Variants in IRF2 observed in about 807,000 individuals in gnomAD.
IRF2 encodes the protein interferon regulatory factor 2.
In IRF2, 15 loss-of-function variants were observed where a neutral mutation model predicts 40.6. The observed-to-expected ratio is 0.37, with a 90% CI of 0.25 to 0.57. The LOEUF (loss-of-function observed/expected upper bound fraction) is 0.57. Ranked by LOEUF, IRF2 falls within the 20% of genes least tolerant of loss-of-function variation. IRF2 has a pLI of 0.77. For missense variants in IRF2, 317 were observed against 455.7 expected (o/e 0.70, Z 2.77); for synonymous variants, 151 against 165.5 (o/e 0.91, Z 0.67).
At chr4:184,437,192 A>C (rs918558515) in intron 1 of IRF2, among the ~76,000 whole-genome samples, 1 of 152,158 alleles carries the variant, frequency 6.6e-6, no homozygotes, top group Non-Finnish European at 1.5e-5. Flanking sequence ...AGTAGCTGAG[A>C]TTACAGGCAT....
chr4:184,453,752 G>A (rs1049853501), intron 1 of IRF2, among the ~76,000 whole-genome samples: 4 of 152,218 alleles, frequency 2.6e-5, no homozygotes, highest in Non-Finnish European at 5.9e-5. Context: ...GAGGAGGAGC[G>A]TGGCAGAAAC....
At position 184,436,684 on chromosome 4, in the gene IRF2, G is replaced by A. The variant is rs113025116; in HGVS notation, c.-6-7614C>T. 1.4e-3 allele frequency among the ~76,000 whole-genome samples: 217 copies of A among 152,274 alleles called. 6 individuals are homozygous for A. The highest frequency in any genetic ancestry group is 6.8e-3 in the Middle Eastern group (2 of 292). Reference sequence around the variant, plus strand: ...GGGAGAAGGTGGCAGGCAAGCCAGGGGAGGTAAAAGGTTGGTATCGGCGGC... The same window carrying A: ...GGGAGAAGGTGGCAGGCAAGCCAGGAGAGGTAAAAGGTTGGTATCGGCGGC... On this transcript the variant is annotated intron_variant, in intron 1 of 8. Coordinates refer to ENST00000393593, the MANE Select transcript of IRF2 (RefSeq NM_002199.4).
chr4:184,396,314 G>A (rs925682670), intron 7 of IRF2, among the ~76,000 whole-genome samples: 4 of 152,148 alleles, frequency 2.6e-5, no homozygotes, highest in Non-Finnish European at 5.9e-5. Context: ...CAGGGCGGGC[G>A]TTAAGGACCG....
intron 1 of IRF2, among the ~76,000 whole-genome samples, chr4:184,443,344 T>G (rs1293604140): frequency 1.3e-5 from 2 of 152,160 alleles, no homozygotes; most frequent in African/African-American, 4.8e-5. Context: ...CAATAGGTAG[T>G]TTTTCAACCC....
chr4:184,408,136 A>G lies in IRF2; in HGVS notation c.529+22T>C. 1 of 1,445,654 alleles carries G rather than the reference A, an allele frequency of 6.9e-7. No individual in the cohort carries two copies. The highest frequency in any genetic ancestry group is 9.7e-7 in the Non-Finnish European group (1 of 1,029,674). 89.6% of individuals were successfully genotyped at this position (1,445,654 alleles called of 1,614,324 possible). ...AGGGGGCTGCTGGTATGTATAAAAA[A>G]TGAGACGTCAAAACAGTTTACCTAT... On this transcript the variant is annotated intron_variant, in intron 6 of 8. Coordinates refer to ENST00000393593, the MANE Select transcript of IRF2 (RefSeq NM_002199.4). The surrounding 1 kb of genome is among the most constrained non-coding windows in gnomAD (Gnocchi z 4.9).
intron 1 of IRF2, among the ~76,000 whole-genome samples, chr4:184,433,100 C>A (rs965172531): frequency 2.0e-5 from 3 of 152,018 alleles, no homozygotes; most frequent in Non-Finnish European, 4.4e-5. Context: ...GTCATGACCA[C>A]GATCTAAGAC....
At chr4:184,458,007 C>A (rs932971799) in intron 1 of IRF2, among the ~76,000 whole-genome samples, 1 of 152,174 alleles carries the variant, frequency 6.6e-6, no homozygotes, top group African/African-American at 2.4e-5. Context: ...GGAGAGTGGT[C>A]CATGCACCAG....
rs1026850000 is a variant in IRF2 at position 184,413,758 on chromosome 4, T to A, written c.411+4409A>T. Among the ~76,000 whole-genome samples the A allele has an allele frequency of 1.3e-5, 2 of 152,246 alleles. No homozygotes were observed. The highest frequency in any genetic ancestry group is 2.9e-5 in the Non-Finnish European group (2 of 68,046). ...CGGAAGCACTTTACAGTTTCAAGCA[T>A]GTATGTTTCAGCTGCAAACAACCCT... On this transcript the variant is annotated intron_variant, in intron 5 of 8. Transcript: ENST00000393593. This position sits in a 1 kb window ranked among gnomAD's most constrained non-coding sequence, Gnocchi z 4.2.
intron 1 of IRF2, among the ~76,000 whole-genome samples, chr4:184,459,282 G>GA (rs920707087): frequency 3.3e-5 from 5 of 151,574 alleles, no homozygotes; most frequent in African/African-American, 4.8e-5. Context: ...AAATACAACA[G>GA]AAAAAAAATA....
At chr4:184,453,613 G>A (rs770141507) in intron 1 of IRF2, among the ~76,000 whole-genome samples, 5 of 152,200 alleles carry the variant, frequency 3.3e-5, no homozygotes, top group African/African-American at 7.2e-5. Flanking sequence ...TATGCAAGCC[G>A]GAAAAGACCT....
rs551508904 is a variant in IRF2 at position 184,462,919 on chromosome 4, T to A, written c.-7+11460A>T. Reference sequence around the variant, plus strand: ...CTTTACAGCTGAAAATCAAATAAACTAATATTTATCTAGGTCTTAAAGGTG... The same window carrying A: ...CTTTACAGCTGAAAATCAAATAAACAAATATTTATCTAGGTCTTAAAGGTG... On this transcript the variant is annotated intron_variant, in intron 1 of 8. Transcript: ENST00000393593. Among the ~76,000 whole-genome samples, 4 of 152,362 alleles carry A rather than the reference T, an allele frequency of 2.6e-5. No individual in the cohort carries two copies. In the East Asian group the frequency reaches 5.8e-4, roughly 22 times the overall value.
intron 1 of IRF2, among the ~76,000 whole-genome samples, chr4:184,451,474 G>A (rs1738713176): frequency 6.6e-6 from 1 of 152,100 alleles, no homozygotes; most frequent in African/African-American, 2.4e-5. Flanking sequence ...TAACCCCATG[G>A]GGTCGTTCTC....
intron 1 of IRF2, among the ~76,000 whole-genome samples, chr4:184,451,656 T>C (rs1254597016): frequency 6.6e-6 from 1 of 152,168 alleles, no homozygotes; most frequent in African/African-American, 2.4e-5. Flanking sequence ...ACATGTGCCA[T>C]TGATCCTGAA....
intron 2 of IRF2, among the ~76,000 whole-genome samples, chr4:184,422,903 C>T (rs576537192): frequency 1.5e-4 from 23 of 152,202 alleles, no homozygotes; most frequent in South Asian, 1.2e-3. Flanking sequence ...TGCATGACAT[C>T]GTGAATGTCA....
chr4:184,443,083 G>A (rs1265534407), intron 1 of IRF2, among the ~76,000 whole-genome samples: 1 of 152,076 alleles, frequency 6.6e-6, no homozygotes, highest in African/African-American at 2.4e-5. Flanking sequence ...GTGCCACCTT[G>A]CCCGGTGAAT....
At chr4:184,409,417 A>G (rs1240550154) in intron 5 of IRF2, among the ~76,000 whole-genome samples, 1 of 152,116 alleles carries the variant, frequency 6.6e-6, no homozygotes, top group African/African-American at 2.4e-5. Context: ...CATGACTTCA[A>G]AGGCATCACT....
chr4:184,421,742 C>CACAT (rs1005425199), intron 2 of IRF2, among the ~76,000 whole-genome samples: 4 of 152,194 alleles, frequency 2.6e-5, no homozygotes, highest in African/African-American at 9.7e-5. Flanking sequence ...TACACACACA[C>CACAT]ACAACCAAAC....
chr4:184,447,217 A>G lies in IRF2; in HGVS notation c.-6-18147T>C, dbSNP rs527242396. ...GAAATAAGGAAGGGCTCAAAAGATA[A>G]TAGCAACATGTCAAAAAAAAGTCAC... On this transcript the variant is annotated intron_variant, in intron 1 of 8. Transcript: ENST00000393593. 4.6e-5 allele frequency among the ~76,000 whole-genome samples: 7 copies of G among 152,272 alleles called. No individual in the cohort carries two copies. The South Asian group carries it at 1.5e-3, about 32-fold the overall frequency.
intron 1 of IRF2, among the ~76,000 whole-genome samples, chr4:184,473,338 C>A (rs532317585): frequency 6.7e-6 from 1 of 149,078 alleles, no homozygotes; most frequent in Admixed American, 6.7e-5. Context: ...CCACCTCGCC[C>A]GCTCCGTAGC....
Sources: allele counts gnomAD v4.1 joint callset (sites outside exome capture counted in the v4.1 genomes callset), GRCh38; gene constraint gnomAD v4.1.1; non-coding constraint Gnocchi (gnomAD v3.1); transcripts MANE v1.5; gene names NCBI Gene and HGNC (gene_info 2026-07-23, HGNC 2026-07-21).